FAM161B: variants seen among roughly 807,000 people sequenced by gnomAD.
The protein encoded by FAM161B is FAM161 centrosomal protein B.
Under a neutral mutation model 61.5 loss-of-function variants are expected in FAM161B, and 46 were observed. The ratio of observed to expected loss-of-function variants is 0.75; its 90% confidence interval spans 0.59 to 0.96. The LOEUF (loss-of-function observed/expected upper bound fraction) is 0.96. FAM161B is among the 40% of genes least tolerant of loss of function. The pLI, the probability that FAM161B is intolerant of heterozygous loss-of-function variation, is 0.00. For missense variants in FAM161B, 774 were observed against 800.7 expected (o/e 0.97, Z 0.40); for synonymous variants, 284 against 302.7 (o/e 0.94, Z 0.64).
chr14:73,928,622 CAG>C (rs941736174), downstream of FAM161B, among the ~76,000 whole-genome samples: 1 of 152,120 alleles, frequency 6.6e-6, no homozygotes, highest in Non-Finnish European at 1.5e-5. Context: ...CTTACAGCCT[CAG>C]GGAGACAGCA....
At chr14:73,924,865 G>A in the FAM161B span, 1 of 332,890 alleles carries the variant, frequency 3.0e-6, no homozygotes, top group South Asian at 2.2e-5. Flanking sequence ...TTTTAGTAGA[G>A]ACAGGGTTTC....
At position 73,950,029 on chromosome 14, in the gene FAM161B, C is replaced by G; in HGVS notation, c.-3G>C. On this transcript the variant is annotated 5_prime_UTR_variant, in exon 1 of 9. Coordinates refer to ENST00000286544, the MANE Select transcript of FAM161B (RefSeq NM_152445.3). ...CCCTCAGGCCTCCCCACGGTCATTT[C>G]AGCTGGACAGAGGCAGCAGCGACAG... The G allele has an allele frequency of 6.2e-7, 1 of 1,612,460 alleles. No individual in the cohort carries two copies.
chr14:73,929,882 G>T (rs2055886352), downstream of FAM161B, among the ~76,000 whole-genome samples: 1 of 151,970 alleles, frequency 6.6e-6, no homozygotes. Context: ...CTCTGGTTCA[G>T]GTGGACAATC....
In FAM161B at chr14:73,943,255, T is replaced by C. The variant is rs77226845; in HGVS notation, c.926-540A>G. Among the ~76,000 whole-genome samples, 1,320 of 152,328 alleles carry C rather than the reference T, an allele frequency of 8.7e-3. 13 individuals carry two copies. The highest frequency in any genetic ancestry group is 0.03 in the African/African-American group (1,257 of 41,572). On this transcript the variant is annotated intron_variant, in intron 3 of 8. Coordinates refer to ENST00000286544, the MANE Select transcript of FAM161B (RefSeq NM_152445.3). ...CAGTCCATCCTCGTTTTTTCATCCC[T>C]GCAACCAGTTGCACAATTTCTCTAC...
chr14:73,931,354 C>T (rs2055911611), downstream of FAM161B: 1 of 616,798 alleles, frequency 1.6e-6, no homozygotes, highest in Admixed American at 3.1e-5. Context: ...ATCTATCAGT[C>T]CGTGCATGTG....
intron 8 of FAM161B, among the ~76,000 whole-genome samples, chr14:73,935,323 C>G (rs528559307): frequency 6.6e-6 from 1 of 151,822 alleles, no homozygotes; most frequent in African/African-American, 2.4e-5. Flanking sequence ...GTGAGGAGAT[C>G]GAGACCATCC....
intron 6 of FAM161B, 36 bp from the exon 7 acceptor site, chr14:73,937,737 T>C (rs1419976236): frequency 1.1e-5 from 17 of 1,602,698 alleles, no homozygotes; most frequent in Non-Finnish European, 1.5e-5. Context: ...GAATTTCATC[T>C]TTTCTAATCC....
chr14:73,950,041 G>C lies in FAM161B; in HGVS notation c.-15C>G. The stretch of plus-strand genomic sequence containing the variant: ...CCCACGGTCATTTCAGCTGGACAGA[G>C]GCAGCAGCGACAGTGACAGCGATAG... On this transcript the variant is annotated 5_prime_UTR_variant, in exon 1 of 9. Transcript: ENST00000286544. 1.2e-6 allele frequency: 2 copies of C among 1,611,398 alleles called. No individual in the cohort carries two copies. Among genetic ancestry groups the C allele is most frequent in the South Asian group, 2.2e-5 (2 of 91,066 alleles).
chr14:73,936,904 T>C (rs2055974584), intron 7 of FAM161B, among the ~76,000 whole-genome samples: 1 of 152,198 alleles, frequency 6.6e-6, no homozygotes, highest in Non-Finnish European at 1.5e-5. Context: ...CAGAGCCTAA[T>C]GCAGTAGAAA....
In FAM161B at chr14:73,946,497, C is replaced by T. The variant is rs140261943; in HGVS notation, c.163G>A (p.Glu55Lys). The T allele has an allele frequency of 1.2e-6, 2 of 1,614,186 alleles. No homozygotes were observed. Among genetic ancestry groups the T allele is most frequent in the East Asian group, 2.2e-5 (1 of 44,886 alleles). ...GAGTCAGAAGTAGAATCTATCTCCT[C>T]CTCTGGGCTGAGGAACTCGTCAAGT... is the stretch of plus-strand genomic sequence containing the variant. ...SKLDEFLSPEEEIDSTSDSTG... is the reference protein window; with the variant it reads ...SKLDEFLSPEKEIDSTSDSTG... The change falls in exon 2 of 9, where the codon GAG becomes AAG. Residue 55 changes from glutamate to lysine, a missense_variant. Glu to Lys is a moderately conservative substitution (Grantham distance 56). Coordinates refer to ENST00000286544, the MANE Select transcript of FAM161B (RefSeq NM_152445.3).
intron 2 of FAM161B, among the ~76,000 whole-genome samples, chr14:73,945,428 T>A (rs1056811385): frequency 7.9e-5 from 12 of 152,172 alleles, no homozygotes; most frequent in African/African-American, 2.4e-4. Flanking sequence ...TATTTTTTTT[T>A]ATTTTTTATT....
At chr14:73,930,290 G>C (rs769480236), downstream of FAM161B, among the ~76,000 whole-genome samples, 5 of 152,000 alleles carry the variant, frequency 3.3e-5, no homozygotes, top group Middle Eastern at 3.2e-3. Flanking sequence ...TTTAGATTTT[G>C]TTTAAAAGTC....
At chr14:73,931,687 A>G (rs2055918401), downstream of FAM161B, 3 of 706,204 alleles carry the variant, frequency 4.2e-6, no homozygotes, top group Non-Finnish European at 7.4e-6. Context: ...CTTTCCTGGT[A>G]TAGAAGATGG....
At chr14:73,928,499 G>A (rs771667338), downstream of FAM161B, among the ~76,000 whole-genome samples, 86 of 152,302 alleles carry the variant, frequency 5.6e-4, no homozygotes, top group Non-Finnish European at 8.2e-4. Context: ...AGGGTATGAC[G>A]TGATCAGATT....
chr14:73,947,397 A>AC (rs2056076668), intron 1 of FAM161B, among the ~76,000 whole-genome samples: 1 of 151,724 alleles, frequency 6.6e-6, no homozygotes, highest in African/African-American at 2.4e-5. Context: ...AAAAAAAAAA[A>AC]AAAAAAAGGA....
At chr14:73,926,561 A>G (rs116737115), downstream of FAM161B, among the ~76,000 whole-genome samples, 1,890 of 151,954 alleles carry the variant, frequency 0.012, 36 homozygotes, top group African/African-American at 0.038. Flanking sequence ...AAGTCTCCCA[A>G]TTAGCTGGGA....
downstream of FAM161B, among the ~76,000 whole-genome samples, chr14:73,929,023 T>C (rs773096742): frequency 6.6e-6 from 1 of 152,248 alleles, no homozygotes; most frequent in Non-Finnish European, 1.5e-5. Flanking sequence ...CCAAAACACT[T>C]AGAAAAATAT....
intron 2 of FAM161B, 144 bp from the exon 3 acceptor site, chr14:73,945,029 A>G (rs1390772355): frequency 8.9e-6 from 5 of 562,714 alleles, no homozygotes; most frequent in Non-Finnish European, 1.4e-5. Flanking sequence ...CTCTATGTCC[A>G]TGACCTTCCC....
downstream of FAM161B, chr14:73,927,188 C>T (rs1485681483): frequency 7.6e-6 from 2 of 262,270 alleles, no homozygotes; most frequent in Admixed American, 4.1e-5. Context: ...CGAATTCAAG[C>T]GGTTCTTCTG....
Sources: gnomAD v4.1 joint callset for allele counts (sites outside exome capture counted in the v4.1 genomes callset) on GRCh38, gnomAD v4.1.1 for gene constraint, MANE v1.5 for transcripts, NCBI Gene and HGNC (gene_info 2026-07-23, HGNC 2026-07-21) for gene names.